Variants in KIAA1671 observed in about 807,000 individuals in gnomAD.
KIAA1671 encodes KIAA1671.
In KIAA1671, 52 loss-of-function variants were observed where a neutral mutation model predicts 131.2. The ratio of observed to expected loss-of-function variants is 0.40; its 90% CI spans 0.32 to 0.50. KIAA1671 has a LOEUF of 0.50. Among genes scored for constraint, KIAA1671 ranks in the 20% least tolerant of loss-of-function variants. KIAA1671 has a pLI of 0.73. For synonymous variants in KIAA1671, 1,003 were observed against 961.6 expected, an observed-to-expected ratio of 1.04 and a Z score of -0.80; for missense variants, 2,360 against 2,364.2, an observed-to-expected ratio of 1.00 and a Z score of 0.04.
At chr22:24,955,604 G>A (rs553505884) in intron 1 of KIAA1671, among the ~76,000 whole-genome samples, 65 of 152,284 alleles carry the variant, frequency 4.3e-4, no homozygotes, top group African/African-American at 1.5e-3. Flanking sequence ...ACAGTGGAAG[G>A]GTCTCTGCAG....
In KIAA1671 at chr22:25,193,855, G is replaced by C. The variant is rs1057048624; in HGVS notation, c.*1454G>C. 3 of 152,146 alleles carry C rather than the reference G, an allele frequency of 2.0e-5. No homozygotes were observed. Among genetic ancestry groups the C allele is most frequent in the Non-Finnish European group, 4.4e-5 (3 of 68,044 alleles). The allele number at this position is 152,146 out of a possible 1,614,324, so 9.4% of individuals were successfully genotyped here. A position where few individuals can be genotyped will look rare whatever the true frequency, so the allele number is the denominator to read the frequency against. ...TCACCCACCCAGCCTTTTACACCTG[G>C]GAGCCTCATGCATCTGGGTTTGGGA... On this transcript the variant is annotated 3_prime_UTR_variant, in exon 13 of 13. Transcript: ENST00000358431.
chr22:25,043,005 A>G (rs1358172810), intron 5 of KIAA1671, among the ~76,000 whole-genome samples: 3 of 151,430 alleles, frequency 2.0e-5, no homozygotes, highest in African/African-American at 7.3e-5. Flanking sequence ...ATGAACATTC[A>G]GACTTTTCCA....
At chr22:25,133,573 C>T (rs759098046) in intron 6 of KIAA1671, among the ~76,000 whole-genome samples, 3 of 152,142 alleles carry the variant, frequency 2.0e-5, no homozygotes, top group African/African-American at 7.2e-5. Context: ...GAGACAGTCT[C>T]GCTGTGTTGT....
chr22:24,968,394 G>A (rs976174846), intron 1 of KIAA1671, among the ~76,000 whole-genome samples: 3 of 152,148 alleles, frequency 2.0e-5, no homozygotes, highest in African/African-American at 2.4e-5. Flanking sequence ...CCGGGAAGGT[G>A]GCTGTGCTGT....
At chr22:25,068,307 G>A (rs1928601652) in intron 6 of KIAA1671, among the ~76,000 whole-genome samples, 1 of 152,274 alleles carries the variant, frequency 6.6e-6, no homozygotes, top group Non-Finnish European at 1.5e-5. Flanking sequence ...GAGCAGCTGA[G>A]ACCCAGTGCC....
chr22:25,022,365 T>C (rs985180638), intron 1 of KIAA1671, among the ~76,000 whole-genome samples: 8 of 152,186 alleles, frequency 5.3e-5, no homozygotes, highest in Non-Finnish European at 1.2e-4. Context: ...TGGAAGTGCT[T>C]TTCTTCCCTT....
chr22:24,953,412 G>A (rs962787130), intron 1 of KIAA1671, among the ~76,000 whole-genome samples: 1 of 152,080 alleles, frequency 6.6e-6, no homozygotes, highest in African/African-American at 2.4e-5. Context: ...CAGCGCGGTG[G>A]TTCGGGGGGC....
intron 9 of KIAA1671, chr22:25,179,338 T>G: frequency 6.3e-7 from 1 of 1,593,600 alleles, no homozygotes; most frequent in Non-Finnish European, 8.5e-7. Flanking sequence ...CGCTGCTCCT[T>G]GTTCCTGCGC....
At chr22:25,013,662 CT>C (rs1010397418) in intron 1 of KIAA1671, 10 of 152,230 alleles carry the variant, frequency 6.6e-5, no homozygotes, top group Admixed American at 3.9e-4. Context: ...TTGAATTGAG[CT>C]TTGGGGTTGA....
chr22:25,165,752 G>C (rs1162602792), intron 6 of KIAA1671, among the ~76,000 whole-genome samples: 1 of 152,192 alleles, frequency 6.6e-6, no homozygotes, highest in Non-Finnish European at 1.5e-5. Context: ...TTCTGGGAAG[G>C]CTTCCTGGCC....
chr22:25,167,119 T>C (rs1933671652), intron 6 of KIAA1671, among the ~76,000 whole-genome samples: 1 of 152,208 alleles, frequency 6.6e-6, no homozygotes, highest in Admixed American at 6.5e-5. Context: ...GAGAATTCTG[T>C]CGATGGTGCT....
intron 1 of KIAA1671, among the ~76,000 whole-genome samples, chr22:25,009,156 T>C (rs1924896138): frequency 6.6e-6 from 1 of 151,822 alleles, no homozygotes; most frequent in African/African-American, 2.4e-5. Flanking sequence ...TACCAAGACA[T>C]GGGTTCAGTC....
rs1410024587 is a variant in KIAA1671 at position 25,177,305 on chromosome 22, G to A, written c.4900-43G>A. 2.0e-6 allele frequency: 3 copies of A among 1,516,672 alleles called. No individual in the cohort carries two copies. In the African/African-American group the frequency reaches 4.2e-5, roughly 21 times the overall value. 94.0% of individuals were successfully genotyped at this position (1,516,672 alleles called of 1,614,324 possible). A position where few individuals can be genotyped will look rare whatever the true frequency, so the allele number is the denominator to read the frequency against. On this transcript the variant is annotated intron_variant, in intron 8 of 12. Transcript: ENST00000358431. The stretch of plus-strand genomic sequence containing the variant: ...TGTGTTGTGGTACCCTCCATTGATG[G>A]TTCCCTTGATTTTTTTCCTCTTCCT...
At chr22:25,030,432 G>A (rs1293348544) in intron 3 of KIAA1671, among the ~76,000 whole-genome samples, 1 of 152,064 alleles carries the variant, frequency 6.6e-6, no homozygotes, top group Admixed American at 6.5e-5. Context: ...CTACTCAGGA[G>A]GCTGAGGCAG....
At chr22:25,052,219 G>T (rs576627971) in intron 6 of KIAA1671, 2 of 152,454 alleles carry the variant, frequency 1.3e-5, no homozygotes, top group South Asian at 4.1e-4. Flanking sequence ...ACTCCTCCTG[G>T]AGCTGAGAAT....
chr22:24,956,965 C>CATGGTT, intron 1 of KIAA1671, among the ~76,000 whole-genome samples: 1 of 151,912 alleles, frequency 6.6e-6, no homozygotes, highest in South Asian at 2.1e-4. Context: ...TGGCCTTGGG[C>CATGGTT]ATGGTTATGG....
intron 5 of KIAA1671, among the ~76,000 whole-genome samples, chr22:25,043,553 A>G (rs1927061217): frequency 6.6e-6 from 1 of 152,220 alleles, no homozygotes; most frequent in Admixed American, 6.5e-5. Context: ...AATCTGAGGC[A>G]TAAGGACCAC....
intron 1 of KIAA1671, among the ~76,000 whole-genome samples, chr22:24,976,694 C>T (rs940489507): frequency 2.0e-5 from 3 of 152,224 alleles, no homozygotes; most frequent in Non-Finnish European, 4.4e-5. Flanking sequence ...CCTGCCTGCT[C>T]CCCACATGCT....
intron 1 of KIAA1671, among the ~76,000 whole-genome samples, chr22:24,980,289 T>TTTTTG (rs1923159690): frequency 6.7e-6 from 1 of 150,358 alleles, no homozygotes; most frequent in African/African-American, 2.5e-5. Context: ...TTTTTTTTTT[T>TTTTTG]GAGACGGCGT....
Sources: gnomAD v4.1 joint callset for allele counts (sites outside exome capture counted in the v4.1 genomes callset) on GRCh38, gnomAD v4.1.1 for gene constraint, MANE v1.5 for transcripts, NCBI Gene and HGNC (gene_info 2026-07-23, HGNC 2026-07-21) for gene names.